TMEM200B: variants seen among roughly 807,000 people sequenced by gnomAD.
The protein encoded by TMEM200B is transmembrane protein 200B, also known as transmembrane protein TTMA.
TMEM200B carries 12 observed loss-of-function variants against 17.6 expected under a neutral mutation model. The ratio of observed to expected loss-of-function variants is 0.68; its 90% CI spans 0.44 to 1.11. The LOEUF (loss-of-function observed/expected upper bound fraction) is 1.11, where lower values mean the gene tolerates loss of function less well. Among genes scored for constraint, TMEM200B ranks in the 50% least tolerant of loss-of-function variants. The pLI is 0.00. For missense variants in TMEM200B, 456 were observed against 447.6 expected, an observed-to-expected ratio of 1.02 and a Z score of -0.17; for synonymous variants, 234 against 209.2, an observed-to-expected ratio of 1.12 and a Z score of -1.02.
rs536535525 is a variant in TMEM200B, at chr1:29,121,927, G to C, written c.-20-79C>G. 1.9e-6 allele frequency: 2 copies of C among 1,050,940 alleles called. No homozygotes were observed. Among genetic ancestry groups the C allele is most frequent in the Non-Finnish European group, 2.3e-6 (2 of 852,934 alleles). The allele number at this position is 1,050,940 out of a possible 1,614,324, so 65.1% of individuals were successfully genotyped here. On this transcript the variant is annotated intron_variant, in intron 1 of 1. Coordinates refer to ENST00000521452, the MANE Select transcript of TMEM200B (RefSeq NM_001003682.4). The surrounding 1 kb of genome is among the most constrained non-coding windows in gnomAD (Gnocchi z 5.6). ...GGCGCCAGGTTCGGGGCGCAAATCCGGGAGGGAAGCTCCGGCCGCCCAGCC... is the reference window on the plus strand; with the variant it reads ...GGCGCCAGGTTCGGGGCGCAAATCCCGGAGGGAAGCTCCGGCCGCCCAGCC...
At position 29,121,592 on chromosome 1, in the gene TMEM200B, G is replaced by A. The variant is rs750143225; in HGVS notation, c.237C>T (p.Ala79=). The A allele has an allele frequency of 1.1e-5, 16 of 1,489,764 alleles. No homozygotes were observed. Among genetic ancestry groups the A allele is most frequent in the African/African-American group, 1.5e-5 (1 of 68,192 alleles). The allele number at this position is 1,489,764 out of a possible 1,614,324, so 92.3% of individuals were successfully genotyped here. Residue 79 remains alanine (A), a synonymous_variant, in exon 2 of 2, where the codon GCC becomes GCT. Coordinates refer to ENST00000521452, the MANE Select transcript of TMEM200B (RefSeq NM_001003682.4). The surrounding 1 kb of genome is among the most constrained non-coding windows in gnomAD (Gnocchi z 5.6). ...IAVAGYWPHR[A]GAPGSRAANA... is the part of the protein sequence containing the mutation. ...TGGCGGCCCGGGACCCTGGGGCCCC[G>A]GCCCGGTGCGGCCAGTAGCCGGCCA...
chr1:29,121,518 C>G lies in TMEM200B; in HGVS notation c.311G>C (p.Gly104Ala). Residue 104 changes from glycine (G) to alanine (A), a missense_variant, in exon 2 of 2, where the codon GGG becomes GCG. Transcript: ENST00000521452. The surrounding 1 kb of genome is among the most constrained non-coding windows in gnomAD (Gnocchi z 5.6). ...MSELRREGRG[G>A]GRAHGPHERL... ...CTCGTGCGGGCCGTGAGCCCGGCCCCCGCCGCGACCCTCGCGTCGCAGCTC... is the reference window on the plus strand; with the variant it reads ...CTCGTGCGGGCCGTGAGCCCGGCCCGCGCCGCGACCCTCGCGTCGCAGCTC... 1.3e-6 allele frequency: 2 copies of G among 1,505,914 alleles called. No individual in the cohort carries two copies. The highest frequency in any genetic ancestry group is 1.8e-6 in the Non-Finnish European group (2 of 1,134,386). The allele number at this position is 1,505,914 out of a possible 1,614,324, so 93.3% of individuals were successfully genotyped here. A position where few individuals can be genotyped will look rare whatever the true frequency, so the allele number is the denominator to read the frequency against.
At position 29,123,857 on chromosome 1, in the gene TMEM200B, T is replaced by A. The variant is rs1237395403; in HGVS notation, c.-22A>T. ...CCCCTGGACCCCAGCTCGGCTCACC[T>A]GGCGCCGCAGCGCCGCGCGGGTCCG... On this transcript the variant is annotated splice_region_variant and 5_prime_UTR_variant, in exon 1 of 2. Coordinates refer to ENST00000521452, the MANE Select transcript of TMEM200B (RefSeq NM_001003682.4). 6.6e-6 allele frequency: 1 copy of A among 151,868 alleles called. No individual in the cohort carries two copies. The highest frequency in any genetic ancestry group is 6.6e-5 in the Admixed American group (1 of 15,234). The allele number at this position is 151,868 out of a possible 1,614,324, so 9.4% of individuals were successfully genotyped here. A position where few individuals can be genotyped will look rare whatever the true frequency, so the allele number is the denominator to read the frequency against.
intron 1 of TMEM200B, chr1:29,122,377 G>T (rs535194594): frequency 6.6e-5 from 10 of 152,502 alleles, no homozygotes; most frequent in African/African-American, 2.2e-4. Context: ...AGCGCGGGAG[G>T]AGGGGGCGTC....
Position 29,121,495 on chromosome 1 carries a change from C to T in TMEM200B, c.334G>A (p.Glu112Lys). ...ACCGGCCCGAGGAGCCGCAGCCGCT[C>T]GTGCGGGCCGTGAGCCCGGCCCCCG... ...RGGGRAHGPH[E>K]RLRLLGPVIM... is the part of the protein sequence containing the mutation. Residue 112 changes from glutamate to lysine, a missense_variant, in exon 2 of 2, where the codon GAG becomes AAG. Glu to Lys is a moderately conservative substitution (Grantham distance 56). Transcript: ENST00000521452. This position sits in a 1 kb window ranked among gnomAD's most constrained non-coding sequence, Gnocchi z 5.6. 1 of 1,522,516 alleles carries T rather than the reference C, an allele frequency of 6.6e-7. No homozygotes were observed. The highest frequency in any genetic ancestry group is 8.8e-7 in the Non-Finnish European group (1 of 1,139,594). The allele number at this position is 1,522,516 out of a possible 1,614,324, so 94.3% of individuals were successfully genotyped here. A position where few individuals can be genotyped will look rare whatever the true frequency, so the allele number is the denominator to read the frequency against.
Position 29,119,805 on chromosome 1 carries a change from G to T in TMEM200B, c.*1100C>A, listed in dbSNP as rs1395503619. 1 of 113,648 alleles carries T rather than the reference G, an allele frequency of 8.8e-6. No homozygotes were observed. Among genetic ancestry groups the T allele is most frequent in the Non-Finnish European group, 1.9e-5 (1 of 51,858 alleles). 7.0% of individuals were successfully genotyped at this position (113,648 alleles called of 1,614,324 possible). A position where few individuals can be genotyped will look rare whatever the true frequency, so the allele number is the denominator to read the frequency against. On this transcript the variant is annotated 3_prime_UTR_variant, in exon 2 of 2. Coordinates refer to ENST00000521452, the MANE Select transcript of TMEM200B (RefSeq NM_001003682.4). ...AATGTATTATTTTGGTGACAAAAAT[G>T]AAGGAGCTTTGTAAATTTTTTTTAA...
At chr1:29,123,520 G>A (rs934829009) in intron 1 of TMEM200B, among the ~76,000 whole-genome samples, 4 of 152,142 alleles carry the variant, frequency 2.6e-5, no homozygotes, top group Admixed American at 6.5e-5. Context: ...GGAGCCCCGC[G>A]CGTCGCTGCC....
In TMEM200B at chr1:29,121,473, G is replaced by A. The variant is rs754205793; in HGVS notation, c.356C>T (p.Pro119Leu). 8 of 1,529,220 alleles carry A rather than the reference G, an allele frequency of 5.2e-6. No homozygotes were observed. The highest frequency in any genetic ancestry group is 1.2e-5 in the South Asian group (1 of 83,876). 94.7% of individuals were successfully genotyped at this position (1,529,220 alleles called of 1,614,324 possible). The change falls in exon 2 of 2, where the codon CCG becomes CTG. Residue 119 changes from proline to leucine, a missense_variant. Transcript: ENST00000521452. The surrounding 1 kb of genome is among the most constrained non-coding windows in gnomAD (Gnocchi z 5.6). ...GAACAGGCCGACGCCCATGATCACC[G>A]GCCCGAGGAGCCGCAGCCGCTCGTG... ...GPHERLRLLG[P>L]VIMGVGLFVF...
rs1368659415 is a variant in TMEM200B at position 29,119,955 on chromosome 1, C to A, written c.*950G>T. On this transcript the variant is annotated 3_prime_UTR_variant, in exon 2 of 2. Transcript: ENST00000521452. ...AATCAAGTCTGCTGTTTTGGCCTTT[C>A]GTAGTAGAAGTGGTTGTAGTGTTTA... The A allele has an allele frequency of 6.6e-6, 1 of 152,588 alleles. No homozygotes were observed. Among genetic ancestry groups the A allele is most frequent in the Admixed American group, 6.5e-5 (1 of 15,270 alleles). 9.5% of individuals were successfully genotyped at this position (152,588 alleles called of 1,614,324 possible). A position where few individuals can be genotyped will look rare whatever the true frequency, so the allele number is the denominator to read the frequency against.
rs747889571 is a variant in TMEM200B at position 29,121,130 on chromosome 1, T to C, written c.699A>G (p.Pro233=). 1.2e-6 allele frequency: 2 copies of C among 1,613,578 alleles called. No homozygotes were observed. The highest frequency in any genetic ancestry group is 1.7e-5 in the Admixed American group (1 of 60,006). ...SYPLKGPGLP[P]PWGPRTQTGH... The stretch of plus-strand genomic sequence containing the variant: ...CAGTCTGCGTCCGTGGACCCCAGGG[T>C]GGGGGCAGCCCGGGGCCCTTCAGCG... Residue 233 remains proline, a synonymous_variant, in exon 2 of 2, where the codon CCA becomes CCG. Transcript: ENST00000521452. This position sits in a 1 kb window ranked among gnomAD's most constrained non-coding sequence, Gnocchi z 5.6.
In TMEM200B at chr1:29,120,585, G is replaced by A. The variant is rs1671716655; in HGVS notation, c.*320C>T. On this transcript the variant is annotated 3_prime_UTR_variant, in exon 2 of 2. Transcript: ENST00000521452. Reference sequence around the variant, plus strand: ...TTTCTTGGGTTTGCCAAGACACTGGGTACATCTCCCAGTCACCCTGGCCTG... The same window carrying A: ...TTTCTTGGGTTTGCCAAGACACTGGATACATCTCCCAGTCACCCTGGCCTG... 2 of 351,566 alleles carry A rather than the reference G, an allele frequency of 5.7e-6. No individual in the cohort carries two copies. The highest frequency in any genetic ancestry group is 4.4e-5 in the East Asian group (1 of 22,750). The allele number at this position is 351,566 out of a possible 1,614,324, so 21.8% of individuals were successfully genotyped here. A position where few individuals can be genotyped will look rare whatever the true frequency, so the allele number is the denominator to read the frequency against.
In TMEM200B at chr1:29,121,654, C is replaced by G; in HGVS notation, c.175G>C (p.Gly59Arg). 7.0e-7 allele frequency: 1 copy of G among 1,429,294 alleles called. No homozygotes were observed. The highest frequency in any genetic ancestry group is 1.5e-5 in the African/African-American group (1 of 66,914). 88.5% of individuals were successfully genotyped at this position (1,429,294 alleles called of 1,614,324 possible). The change falls in exon 2 of 2, where the codon GGG becomes CGG. Residue 59 changes from glycine to arginine, a missense_variant. Gly to Arg is a moderately radical substitution (Grantham distance 125, BLOSUM62 -2). Transcript: ENST00000521452. This position sits in a 1 kb window ranked among gnomAD's most constrained non-coding sequence, Gnocchi z 5.6. ...ATACCCACCAGTACCACGAGCGCCC[C>G]CAGCGCCGCGAACGCCCCCGACGGC... Reference protein sequence around the residue: ...RSPSGAFAALGALVVLVGMGI... With the variant: ...RSPSGAFAALRALVVLVGMGI...
chr1:29,121,570 C>T lies in TMEM200B; in HGVS notation c.259G>A (p.Ala87Thr), dbSNP rs1558375376. 6.7e-7 allele frequency: 1 copy of T among 1,494,100 alleles called. No individual in the cohort carries two copies. 92.6% of individuals were successfully genotyped at this position (1,494,100 alleles called of 1,614,324 possible). ...CTCATCTGGGGCGAGCTGGCATTGG[C>T]GGCCCGGGACCCTGGGGCCCCGGCC... ...HRAGAPGSRA[A>T]NASSPQMSEL... The change falls in exon 2 of 2, where the codon GCC (alanine) becomes ACC (threonine). Residue 87 changes from alanine (A) to threonine (T), a missense_variant. Transcript: ENST00000521452. The surrounding 1 kb of genome is among the most constrained non-coding windows in gnomAD (Gnocchi z 5.6).
At position 29,120,815 on chromosome 1, in the gene TMEM200B, A is replaced by G. The variant is rs531853474; in HGVS notation, c.*90T>C. 2.1e-6 allele frequency: 3 copies of G among 1,408,538 alleles called. No individual in the cohort carries two copies. The highest frequency in any genetic ancestry group is 2.5e-5 in the East Asian group (1 of 39,730). The allele number at this position is 1,408,538 out of a possible 1,614,324, so 87.3% of individuals were successfully genotyped here. A position where few individuals can be genotyped will look rare whatever the true frequency, so the allele number is the denominator to read the frequency against. On this transcript the variant is annotated 3_prime_UTR_variant, in exon 2 of 2. Transcript: ENST00000521452. ...CCATCCCCAGCCTGGGATGTGACTG[A>G]AACATCTATTAGACGTTGGGACTCC...
rs2452788 is a variant in TMEM200B, at chr1:29,120,299, A to G, written c.*606T>C. On this transcript the variant is annotated 3_prime_UTR_variant, in exon 2 of 2. Transcript: ENST00000521452. ...GGGGCTTCTCAGACTTATTTGCAGA[A>G]GGGCCCAGAACTCAGTATGAAGGCA... 0.8 allele frequency: 122,432 copies of G among 152,748 alleles called. 49,639 individuals are homozygous for G. The highest frequency in any genetic ancestry group is 0.87 in the Non-Finnish European group (59,206 of 68,114). The allele number at this position is 152,748 out of a possible 1,614,324, so 9.5% of individuals were successfully genotyped here. A position where few individuals can be genotyped will look rare whatever the true frequency, so the allele number is the denominator to read the frequency against.
Position 29,121,234 on chromosome 1 carries a change from G to A in TMEM200B, c.595C>T (p.Pro199Ser). 6.2e-7 allele frequency: 1 copy of A among 1,613,254 alleles called. No homozygotes were observed. The highest frequency in any genetic ancestry group is 8.5e-7 in the Non-Finnish European group (1 of 1,179,968). Residue 199 changes from proline to serine, a missense_variant, in exon 2 of 2, where the codon CCC (proline) becomes TCC (serine). By Grantham distance (74) the Pro-to-Ser change is moderately conservative. Coordinates refer to ENST00000521452, the MANE Select transcript of TMEM200B (RefSeq NM_001003682.4). This position sits in a 1 kb window ranked among gnomAD's most constrained non-coding sequence, Gnocchi z 5.6. ...CGCAGACTCCGCACTGACGGGACGGGTGAAGTACCCCGACGCGGGGACGGG... is the reference window on the plus strand; with the variant it reads ...CGCAGACTCCGCACTGACGGGACGGATGAAGTACCCCGACGCGGGGACGGG... ...WDPSPRRGTS[P>S]VPSVRSLRSE...
Position 29,120,128 on chromosome 1 carries a change from CTCAAG to C in TMEM200B, c.*772_*776del, listed in dbSNP as rs896114213. The C allele has an allele frequency of 6.6e-6, 1 of 152,534 alleles. No homozygotes were observed. Among genetic ancestry groups the C allele is most frequent in the African/African-American group, 2.4e-5 (1 of 41,420 alleles). 9.4% of individuals were successfully genotyped at this position (152,534 alleles called of 1,614,324 possible). On this transcript the variant is annotated 3_prime_UTR_variant, in exon 2 of 2. Transcript: ENST00000521452. ...TAAATATGGGTGGGGGAGACCTAAA[CTCAAG>C]TCATTTTCTAAAGTAAGTTACCCAC...
chr1:29,120,862 A>T lies in TMEM200B; in HGVS notation c.*43T>A. The T allele has an allele frequency of 6.6e-7, 1 of 1,513,096 alleles. No individual in the cohort carries two copies. Among genetic ancestry groups the T allele is most frequent in the Non-Finnish European group, 8.9e-7 (1 of 1,129,670 alleles). 93.7% of individuals were successfully genotyped at this position (1,513,096 alleles called of 1,614,324 possible). A position where few individuals can be genotyped will look rare whatever the true frequency, so the allele number is the denominator to read the frequency against. ...CTCCTGGTCCTTTGGTCCTATTAGC[A>T]TGGTCCATGCTGCAGCCTCAGAGCA... On this transcript the variant is annotated 3_prime_UTR_variant, in exon 2 of 2. Coordinates refer to ENST00000521452, the MANE Select transcript of TMEM200B (RefSeq NM_001003682.4).
chr1:29,123,625 G>A lies in TMEM200B; in HGVS notation c.-21+231C>T, dbSNP rs529524676. Among the ~76,000 whole-genome samples, 6 of 152,222 alleles carry A rather than the reference G, an allele frequency of 3.9e-5. No individual in the cohort carries two copies. The East Asian group carries it at 1.2e-3, about 30-fold the overall frequency. ...GTGGGCCGACGCTGGGGACACCAGG[G>A]AGGCGGAAACTTGGGGACACAGCGC... is the stretch of plus-strand genomic sequence containing the variant. On this transcript the variant is annotated intron_variant, in intron 1 of 1. Coordinates refer to ENST00000521452, the MANE Select transcript of TMEM200B (RefSeq NM_001003682.4).
Sources: allele counts gnomAD v4.1 joint callset (sites outside exome capture counted in the v4.1 genomes callset), GRCh38; gene constraint gnomAD v4.1.1; non-coding constraint Gnocchi (gnomAD v3.1); transcripts MANE v1.5; gene names NCBI Gene and HGNC (gene_info 2026-07-23, HGNC 2026-07-21).